GBE1: variants seen among roughly 807,000 people sequenced by gnomAD.
GBE1 encodes the protein 1,4-alpha-glucan-branching enzyme.
In GBE1, 70 loss-of-function variants were observed where a neutral mutation model predicts 88.8. That is an observed-to-expected ratio of 0.79 (90% CI 0.65 to 0.96). GBE1 has a LOEUF of 0.96. Among genes scored for constraint, GBE1 ranks in the 40% least tolerant of loss-of-function variants. The pLI is 0.00. For missense variants in GBE1, 872 were observed against 871.0 expected, an observed-to-expected ratio of 1.00 and a Z score of -0.01; for synonymous variants, 284 against 300.1, an observed-to-expected ratio of 0.95 and a Z score of 0.56.
intron 1 of GBE1, among the ~76,000 whole-genome samples, chr3:81,709,117 G>A (rs529877580): frequency 1.5e-4 from 23 of 152,228 alleles, no homozygotes; most frequent in African/African-American, 4.6e-4. Flanking sequence ...TCATTGCTGC[G>A]TAGCATAGTT....
At chr3:81,689,041 T>C (rs188024055) in intron 2 of GBE1, among the ~76,000 whole-genome samples, 3 of 152,312 alleles carry the variant, frequency 2.0e-5, no homozygotes, top group African/African-American at 4.8e-5. Context: ...TAAACCTCTA[T>C]ATGTGATTTC....
chr3:81,631,984 G>T (rs1427255812), intron 7 of GBE1, among the ~76,000 whole-genome samples: 1 of 151,950 alleles, frequency 6.6e-6, no homozygotes, highest in Non-Finnish European at 1.5e-5. Context: ...ATAGGCCCTG[G>T]TGTGTGATGT....
chr3:81,682,335 G>A lies in GBE1; in HGVS notation c.314-11382C>T, dbSNP rs568840306. Among the ~76,000 whole-genome samples, 25 of 152,138 alleles carry A rather than the reference G, an allele frequency of 1.6e-4. No homozygotes were observed. The South Asian group carries it at 3.3e-3, about 20-fold the overall frequency. ...AAATTAGCTGGGCATGGTGGCACAC[G>A]CCTGTAGTCCTAGCTACTCAGGAGG... On this transcript the variant is annotated intron_variant, in intron 2 of 15. Coordinates refer to ENST00000429644, the MANE Select transcript of GBE1 (RefSeq NM_000158.4).
intron 3 of GBE1, among the ~76,000 whole-genome samples, chr3:81,657,207 C>T (rs1704954416): frequency 6.6e-6 from 1 of 151,242 alleles, no homozygotes; most frequent in Non-Finnish European, 1.5e-5. Context: ...GCCTTCTTCC[C>T]ACGTAAGTAT....
At chr3:81,533,042 C>T (rs1227722216) in intron 14 of GBE1, among the ~76,000 whole-genome samples, 22 of 151,626 alleles carry the variant, frequency 1.5e-4, no homozygotes, top group Non-Finnish European at 1.8e-4. Context: ...ACTTACGTCG[C>T]AGTTTGGGTT....
chr3:81,699,778 T>A (rs1705660540), intron 2 of GBE1, among the ~76,000 whole-genome samples: 1 of 152,110 alleles, frequency 6.6e-6, no homozygotes, highest in Admixed American at 6.6e-5. Context: ...CAAATGTTAA[T>A]CTCTTTTGGC....
At chr3:81,697,169 A>T (rs564654607) in intron 2 of GBE1, among the ~76,000 whole-genome samples, 2 of 152,194 alleles carry the variant, frequency 1.3e-5, no homozygotes, top group African/African-American at 4.8e-5. Flanking sequence ...GGGTTCAATT[A>T]GTTTGCTGGA....
chr3:81,591,824 C>G (rs1482253221), intron 8 of GBE1, among the ~76,000 whole-genome samples: 1 of 151,826 alleles, frequency 6.6e-6, no homozygotes, highest in Non-Finnish European at 1.5e-5. Flanking sequence ...AGCCTTTTAC[C>G]ATTTCTCTAC....
At chr3:81,653,813 A>G (rs905179500) in intron 3 of GBE1, among the ~76,000 whole-genome samples, 15 of 151,974 alleles carry the variant, frequency 9.9e-5, no homozygotes, top group Non-Finnish European at 1.9e-4. Context: ...ATGGTTACCT[A>G]TGGGTAAGGG....
At chr3:81,709,314 T>C (rs965101420) in intron 1 of GBE1, among the ~76,000 whole-genome samples, 1 of 152,166 alleles carries the variant, frequency 6.6e-6, no homozygotes, top group Non-Finnish European at 1.5e-5. Context: ...AGGTTCTTTG[T>C]GTGTGTGTTT....
intron 12 of GBE1, among the ~76,000 whole-genome samples, chr3:81,539,194 T>G (rs935463645): frequency 6.6e-6 from 1 of 152,010 alleles, no homozygotes; most frequent in Non-Finnish European, 1.5e-5. Context: ...GCCCCCTGAC[T>G]CTTAATTACT....
At chr3:81,691,390 G>A (rs1363235977) in intron 2 of GBE1, among the ~76,000 whole-genome samples, 1 of 152,180 alleles carries the variant, frequency 6.6e-6, no homozygotes, top group Non-Finnish European at 1.5e-5. Context: ...TTTTAACAAT[G>A]TATTTTGGTT....
intron 1 of GBE1, among the ~76,000 whole-genome samples, chr3:81,740,766 G>GCACACACACACACA (rs71633686): frequency 7.8e-4 from 116 of 149,300 alleles, no homozygotes; most frequent in South Asian, 5.3e-3. Flanking sequence ...GTTAGAAAGT[G>GCACACACACACACA]CACACACACA....
intron 1 of GBE1, among the ~76,000 whole-genome samples, chr3:81,755,192 A>G (rs1267409776): frequency 6.6e-6 from 1 of 152,104 alleles, no homozygotes; most frequent in Non-Finnish European, 1.5e-5. Context: ...AAACATATAA[A>G]TGGCCGACAG....
At chr3:81,727,877 C>T (rs1308774796) in intron 1 of GBE1, among the ~76,000 whole-genome samples, 1 of 152,158 alleles carries the variant, frequency 6.6e-6, no homozygotes, top group Non-Finnish European at 1.5e-5. Flanking sequence ...GTAACAGATT[C>T]TTAAATGTAG....
At chr3:81,623,287 C>T (rs762636621) in intron 7 of GBE1, among the ~76,000 whole-genome samples, 7 of 152,192 alleles carry the variant, frequency 4.6e-5, no homozygotes, top group Non-Finnish European at 8.8e-5. Context: ...TTCACAATTG[C>T]TTTTCTCCTC....
chr3:81,759,420 A>G (rs926932831), intron 1 of GBE1, among the ~76,000 whole-genome samples: 3 of 152,232 alleles, frequency 2.0e-5, no homozygotes, highest in Admixed American at 2.0e-4. Flanking sequence ...TATTTGTGTT[A>G]GGCCAAAGAC....
intron 12 of GBE1, among the ~76,000 whole-genome samples, chr3:81,543,270 A>G (rs1415965808): frequency 6.6e-6 from 1 of 152,124 alleles, no homozygotes; most frequent in Non-Finnish European, 1.5e-5. Context: ...AGAAAGTTGC[A>G]TACAACAAAG....
In GBE1 at chr3:81,601,647, TAAAC is replaced by T. The variant is rs145956552; in HGVS notation, c.993-7628_993-7625del. ...ATCCATGAGAGTTCCTATTAAATAA[TAAAC>T]AAATTTTGAATATTTGTTTAAATAT... On this transcript the variant is annotated intron_variant, in intron 7 of 15. Transcript: ENST00000429644. 5.3e-3 allele frequency among the ~76,000 whole-genome samples: 812 copies of T among 152,254 alleles called. 5 individuals are homozygous for T. Among genetic ancestry groups the T allele is most frequent in the Non-Finnish European group, 8.0e-3 (545 of 68,006 alleles).
Sources: gnomAD v4.1 joint callset for allele counts (sites outside exome capture counted in the v4.1 genomes callset) on GRCh38, gnomAD v4.1.1 for gene constraint, MANE v1.5 for transcripts, NCBI Gene and HGNC (gene_info 2026-07-23, HGNC 2026-07-21) for gene names.